NKX2-4: variants seen among roughly 807,000 people sequenced by gnomAD.
NKX2-4 encodes homeobox protein Nkx-2.4.
In NKX2-4, 6 loss-of-function variants were observed where a neutral mutation model predicts 8.6. That is an observed-to-expected ratio of 0.70 (90% CI 0.38 to 1.38). NKX2-4 has a LOEUF of 1.38. Among genes scored for constraint, NKX2-4 ranks in the 40% most tolerant of loss-of-function variants. NKX2-4 has a pLI of 0.02. For missense variants in NKX2-4, 601 were observed against 548.4 expected (o/e 1.10, Z -0.96); for synonymous variants, 299 against 272.6 (o/e 1.10, Z -0.95).
rs1168331057 is a variant in NKX2-4, at chr20:21,396,148, C to T, written c.828G>A (p.Ala276=). Residue 276 remains alanine, a synonymous_variant, in exon 2 of 2, where the codon GCG becomes GCA. Transcript: ENST00000351817. ...PPPPPSPRRV[A]VPVLVKDGKP... is the part of the protein sequence containing the mutation. ...TGCCGTCCTTGACCAGCACAGGCAC[C>T]GCCACGCGGCGCGGGGACGGCGGCG... 13 of 1,467,208 alleles carry T rather than the reference C, an allele frequency of 8.9e-6. No homozygotes were observed. The Admixed American group carries it at 1.1e-4, about 13-fold the overall frequency. The allele number at this position is 1,467,208 out of a possible 1,614,324, so 90.9% of individuals were successfully genotyped here. A position where few individuals can be genotyped will look rare whatever the true frequency, so the allele number is the denominator to read the frequency against.
rs2039022086 is a variant in NKX2-4, at chr20:21,396,457, G to A, written c.519C>T (p.Ala173=). 2 of 1,491,264 alleles carry A rather than the reference G, an allele frequency of 1.3e-6. No individual in the cohort carries two copies. 92.4% of individuals were successfully genotyped at this position (1,491,264 alleles called of 1,614,324 possible). The change falls in exon 2 of 2, where the codon GCC becomes GCT. Residue 173 remains alanine, a synonymous_variant. Coordinates refer to ENST00000351817, the MANE Select transcript of NKX2-4 (RefSeq NM_033176.2). ...CCGCGTGCAGCGGGCCCAGCGACTT[G>A]GCGGCGTCCGCGATGCCGGTCAGCG... ...MGSLTGIADA[A]KSLGPLHAAA...
At position 21,395,847 on chromosome 20, in the gene NKX2-4, G is replaced by T; in HGVS notation, c.*64C>A. ...CGGTTTTCGCATGCCTCCCCCATCC[G>T]TTCTAGCAGTTTCTTGCAGACCCTT... On this transcript the variant is annotated 3_prime_UTR_variant, in exon 2 of 2. Coordinates refer to ENST00000351817, the MANE Select transcript of NKX2-4 (RefSeq NM_033176.2). 7.9e-7 allele frequency: 1 copy of T among 1,260,472 alleles called. No homozygotes were observed. 78.1% of individuals were successfully genotyped at this position (1,260,472 alleles called of 1,614,324 possible). A position where few individuals can be genotyped will look rare whatever the true frequency, so the allele number is the denominator to read the frequency against.
rs1194569758 is a variant in NKX2-4 at position 21,397,136 on chromosome 20, C to CGCCGCCGCAGCTGCT, written c.249_263dup (p.Ala87_Ala91dup). 11 of 1,279,000 alleles carry CGCCGCCGCAGCTGCT rather than the reference C, an allele frequency of 8.6e-6. No homozygotes were observed. The highest frequency in any genetic ancestry group is 1.6e-5 in the African/African-American group (1 of 63,594). 79.2% of individuals were successfully genotyped at this position (1,279,000 alleles called of 1,614,324 possible). On this transcript the variant is annotated inframe_insertion, in exon 1 of 2. Coordinates refer to ENST00000351817, the MANE Select transcript of NKX2-4 (RefSeq NM_033176.2). ...GCGGCATGTGGTAGGTGGCGGCCGC[C>CGCCGCCGCAGCTGCT]GCCGCCGCAGCTGCTGCCGCCGCCG...
At position 21,397,258 on chromosome 20, in the gene NKX2-4, A is replaced by G; in HGVS notation, c.142T>C (p.Tyr48His). 2.4e-6 allele frequency: 3 copies of G among 1,237,922 alleles called. No individual in the cohort carries two copies. The highest frequency in any genetic ancestry group is 4.4e-5 in the Admixed American group (1 of 22,814). 76.7% of individuals were successfully genotyped at this position (1,237,922 alleles called of 1,614,324 possible). The change falls in exon 1 of 2, where the codon TAC (tyrosine) becomes CAC (histidine). Residue 48 changes from tyrosine (Y) to histidine (H), a missense_variant. Transcript: ENST00000351817. ...LGAPLGAAAA[Y>H]RAPPPGPSSQ... is the part of the protein sequence containing the mutation. ...GAGGGCCCAGGTGGCGGCGCGCGGT[A>G]GGCGGCCGCGGCCCCCAGGGGCGCC...
chr20:21,395,409 C>T lies in NKX2-4; in HGVS notation c.*502G>A, dbSNP rs1368975188. 6.6e-6 allele frequency: 1 copy of T among 152,140 alleles called. No individual in the cohort carries two copies. Among genetic ancestry groups the T allele is most frequent in the Non-Finnish European group, 1.5e-5 (1 of 68,062 alleles). The allele number at this position is 152,140 out of a possible 1,614,324, so 9.4% of individuals were successfully genotyped here. ...CTCTATTACCTAAATGGCAATAATT[C>T]CTCTGCAATAATGTTGCTATGTGTA... On this transcript the variant is annotated 3_prime_UTR_variant, in exon 2 of 2. Coordinates refer to ENST00000351817, the MANE Select transcript of NKX2-4 (RefSeq NM_033176.2).
At chr20:21,396,847 G>T in intron 1 of NKX2-4, 111 bp downstream of exon 1, 1 of 985,090 alleles carries the variant, frequency 1.0e-6, no homozygotes, top group Non-Finnish European at 1.3e-6. Flanking sequence ...GCGCCCGCTC[G>T]GCCCCAGGAC....
Position 21,397,160 on chromosome 20 carries a change from C to CGCCGCG in NKX2-4, c.234_239dup (p.Ala90_Ala91dup). The CGCCGCG allele has an allele frequency of 7.9e-7, 1 of 1,262,534 alleles. No individual in the cohort carries two copies. The highest frequency in any genetic ancestry group is 9.9e-7 in the Non-Finnish European group (1 of 1,010,054). 78.2% of individuals were successfully genotyped at this position (1,262,534 alleles called of 1,614,324 possible). A position where few individuals can be genotyped will look rare whatever the true frequency, so the allele number is the denominator to read the frequency against. ...CCGCCGCCGCAGCTGCTGCCGCCGC[C>CGCCGCG]GCCGCGGCCGCCGCGTTGTGACCCG... On this transcript the variant is annotated inframe_insertion, in exon 1 of 2. Transcript: ENST00000351817.
In NKX2-4 at chr20:21,396,454, C is replaced by T. The variant is rs747994584; in HGVS notation, c.522G>A (p.Lys174=). ...GSLTGIADAA[K]SLGPLHAAAA... Reference sequence around the variant, plus strand: ...CCGCCGCGTGCAGCGGGCCCAGCGACTTGGCGGCGTCCGCGATGCCGGTCA... The same window carrying T: ...CCGCCGCGTGCAGCGGGCCCAGCGATTTGGCGGCGTCCGCGATGCCGGTCA... Residue 174 remains lysine, a synonymous_variant, in exon 2 of 2, where the codon AAG becomes AAA. Coordinates refer to ENST00000351817, the MANE Select transcript of NKX2-4 (RefSeq NM_033176.2). 3.3e-5 allele frequency: 50 copies of T among 1,493,982 alleles called. No homozygotes were observed. Among genetic ancestry groups the T allele is most frequent in the Non-Finnish European group, 4.2e-5 (48 of 1,133,584 alleles). 92.5% of individuals were successfully genotyped at this position (1,493,982 alleles called of 1,614,324 possible).
chr20:21,397,052 G>A lies in NKX2-4; in HGVS notation c.348C>T (p.Gly116=). ...AMGSYCNGGL[G]NMGELPAYTD... ...TGTAGGCGGGCAGCTCGCCCATGTT[G>A]CCCAGGCCGCCGTTGCAGTAGCTGC... Residue 116 remains glycine (G), a synonymous_variant, in exon 1 of 2, where the codon GGC becomes GGT. Transcript: ENST00000351817. The A allele has an allele frequency of 7.0e-7, 1 of 1,438,284 alleles. No homozygotes were observed. The highest frequency in any genetic ancestry group is 1.4e-5 in the South Asian group (1 of 73,598). 89.1% of individuals were successfully genotyped at this position (1,438,284 alleles called of 1,614,324 possible).
chr20:21,395,793 G>A lies in NKX2-4; in HGVS notation c.*118C>T, dbSNP rs2122396234. On this transcript the variant is annotated 3_prime_UTR_variant, in exon 2 of 2. Coordinates refer to ENST00000351817, the MANE Select transcript of NKX2-4 (RefSeq NM_033176.2). The stretch of plus-strand genomic sequence containing the variant: ...GCCTGCTCCTCTCTGAGACCGGTTC[G>A]TTTTGAATCGCAGTTTACACGCGCG... The A allele has an allele frequency of 6.6e-6, 6 of 908,414 alleles. No individual in the cohort carries two copies. The East Asian group carries it at 1.2e-4, about 19-fold the overall frequency. 56.3% of individuals were successfully genotyped at this position (908,414 alleles called of 1,614,324 possible).
At position 21,396,209 on chromosome 20, in the gene NKX2-4, A is replaced by C; in HGVS notation, c.767T>G (p.Leu256Arg). 6.4e-7 allele frequency: 1 copy of C among 1,572,664 alleles called. No homozygotes were observed. The highest frequency in any genetic ancestry group is 8.6e-7 in the Non-Finnish European group (1 of 1,163,624). Reference sequence around the variant, plus strand: ...CGGGCCCAGGCCGCCCTCCTGCTGCAGCTGCTGCGCCGCCTTGTCCTTGGC... The same window carrying C: ...CGGGCCCAGGCCGCCCTCCTGCTGCCGCTGCTGCGCCGCCTTGTCCTTGGC... ...RQAKDKAAQQ[L>R]QQEGGLGPPP... The change falls in exon 2 of 2, where the codon CTG (leucine) becomes CGG (arginine). Residue 256 changes from leucine to arginine, a missense_variant. Physicochemically the swap from Leu to Arg is moderately radical, Grantham distance 102. Transcript: ENST00000351817.
At position 21,397,386 on chromosome 20, in the gene NKX2-4, G is replaced by C; in HGVS notation, c.14C>G (p.Pro5Arg). The C allele has an allele frequency of 2.8e-6, 4 of 1,413,444 alleles. No homozygotes were observed. The highest frequency in any genetic ancestry group is 3.7e-6 in the Non-Finnish European group (4 of 1,082,832). The allele number at this position is 1,413,444 out of a possible 1,614,324, so 87.6% of individuals were successfully genotyped here. Residue 5 changes from proline to arginine, a missense_variant, in exon 1 of 2, where the codon CCA becomes CGA. Coordinates refer to ENST00000351817, the MANE Select transcript of NKX2-4 (RefSeq NM_033176.2). ...CACGGAGAAGGGCGTCGTGTGCTTTGGGCTCAACGACATGGCTCGGCGGGC... is the reference window on the plus strand; with the variant it reads ...CACGGAGAAGGGCGTCGTGTGCTTTCGGCTCAACGACATGGCTCGGCGGGC... MSLS[P>R]KHTTPFSVSD...
chr20:21,397,319 G>T lies in NKX2-4; in HGVS notation c.81C>A (p.Phe27Leu). 2 of 1,395,270 alleles carry T rather than the reference G, an allele frequency of 1.4e-6. No homozygotes were observed. The highest frequency in any genetic ancestry group is 1.9e-6 in the Non-Finnish European group (2 of 1,073,950). The allele number at this position is 1,395,270 out of a possible 1,614,324, so 86.4% of individuals were successfully genotyped here. ...GTGGCGCGCCGTCCATGGCGCCGCT[G>T]AACTTCTTGTAGGTCTCCTCGATGG... ...LSPIEETYKK[F>L]SGAMDGAPPG... The change falls in exon 1 of 2, where the codon TTC becomes TTA. Residue 27 changes from phenylalanine (F) to leucine (L), a missense_variant. Phe to Leu is a conservative substitution (Grantham distance 22). Transcript: ENST00000351817.
Position 21,397,492 on chromosome 20 carries a change from G to T in NKX2-4, c.-93C>A. On this transcript the variant is annotated 5_prime_UTR_variant, in exon 1 of 2. Coordinates refer to ENST00000351817, the MANE Select transcript of NKX2-4 (RefSeq NM_033176.2). ...CCGCCACCTCGGCCGCGGCAGCTGA[G>T]CCTGTGACGAGGAGTCGGCGGCTCG... 8.3e-7 allele frequency: 1 copy of T among 1,209,838 alleles called. No individual in the cohort carries two copies. The highest frequency in any genetic ancestry group is 1.0e-6 in the Non-Finnish European group (1 of 976,418). The allele number at this position is 1,209,838 out of a possible 1,614,324, so 74.9% of individuals were successfully genotyped here.
At chr20:21,396,616 G>T in intron 1 of NKX2-4, 83 bp from the exon 2 acceptor site, 2 of 1,153,472 alleles carry the variant, frequency 1.7e-6, no homozygotes, top group Non-Finnish European at 2.3e-6. Flanking sequence ...TTCACGCCGC[G>T]GCCGCGACGC....
chr20:21,397,321 ACTT>A lies in NKX2-4; in HGVS notation c.76_78del (p.Lys26del). The A allele has an allele frequency of 7.2e-7, 1 of 1,397,396 alleles. No homozygotes were observed. The highest frequency in any genetic ancestry group is 9.3e-7 in the Non-Finnish European group (1 of 1,074,882). The allele number at this position is 1,397,396 out of a possible 1,614,324, so 86.6% of individuals were successfully genotyped here. ...GGCGCGCCGTCCATGGCGCCGCTGA[ACTT>A]CTTGTAGGTCTCCTCGATGGGGCTC... On this transcript the variant is annotated inframe_deletion, in exon 1 of 2. Coordinates refer to ENST00000351817, the MANE Select transcript of NKX2-4 (RefSeq NM_033176.2).
chr20:21,397,409 G>A lies in NKX2-4; in HGVS notation c.-10C>T, dbSNP rs764193950. On this transcript the variant is annotated 5_prime_UTR_variant, in exon 1 of 2. Coordinates refer to ENST00000351817, the MANE Select transcript of NKX2-4 (RefSeq NM_033176.2). The stretch of plus-strand genomic sequence containing the variant: ...TTGGGCTCAACGACATGGCTCGGCG[G>A]GCAGCCAGGTAGGGGGGCCTGGGGC... 2 of 1,374,462 alleles carry A rather than the reference G, an allele frequency of 1.5e-6. No individual in the cohort carries two copies. The highest frequency in any genetic ancestry group is 2.7e-5 in the Admixed American group (1 of 37,650). 85.1% of individuals were successfully genotyped at this position (1,374,462 alleles called of 1,614,324 possible).
At position 21,396,091 on chromosome 20, in the gene NKX2-4, G is replaced by T; in HGVS notation, c.885C>A (p.Thr295=). 1 of 1,358,556 alleles carries T rather than the reference G, an allele frequency of 7.4e-7. No individual in the cohort carries two copies. The highest frequency in any genetic ancestry group is 1.9e-5 in the South Asian group (1 of 53,390). 84.2% of individuals were successfully genotyped at this position (1,358,556 alleles called of 1,614,324 possible). Residue 295 remains threonine, a synonymous_variant, in exon 2 of 2, where the codon ACC becomes ACA. Transcript: ENST00000351817. The part of the protein sequence containing the change: ...KPCQNGASTP[T]PGQAGPQPPA... The stretch of plus-strand genomic sequence containing the variant: ...GCGGCTGCGGACCGGCCTGGCCGGG[G>T]GTGGGCGTGCTGGCGCCGTTCTGGC...
rs1037527050 is a variant in NKX2-4 at position 21,397,474 on chromosome 20, C to G, written c.-75G>C. 1.9e-4 allele frequency: 229 copies of G among 1,230,322 alleles called. No individual in the cohort carries two copies. The highest frequency in any genetic ancestry group is 2.3e-4 in the Non-Finnish European group (223 of 990,178). 76.2% of individuals were successfully genotyped at this position (1,230,322 alleles called of 1,614,324 possible). On this transcript the variant is annotated 5_prime_UTR_variant, in exon 1 of 2. Transcript: ENST00000351817. ...CGCGGCGGCCGCTCGTCGCCGCCAC[C>G]TCGGCCGCGGCAGCTGAGCCTGTGA... is the stretch of plus-strand genomic sequence containing the variant.
Sources: gnomAD v4.1 joint callset for allele counts on GRCh38, gnomAD v4.1.1 for gene constraint, MANE v1.5 for transcripts, NCBI Gene and HGNC (gene_info 2026-07-23, HGNC 2026-07-21) for gene names.